Variants in RIMBP2 observed in about 807,000 individuals in gnomAD.
RIMBP2 encodes RIMS binding protein 2, also known as RIMS-binding protein 2.
Under a neutral mutation model 118.6 loss-of-function variants are expected in RIMBP2, and 48 were observed. The observed-to-expected ratio is 0.40, with a 90% CI of 0.32 to 0.51. RIMBP2 has a LOEUF of 0.51. Among genes scored for constraint, RIMBP2 ranks in the 20% least tolerant of loss-of-function variants. RIMBP2 has a pLI of 0.41. For missense variants in RIMBP2, 1,551 were observed against 1,768.3 expected (o/e 0.88, Z 2.20); for synonymous variants, 762 against 742.9 (o/e 1.03, Z -0.42).
intron 1 of RIMBP2, among the ~76,000 whole-genome samples, chr12:130,690,597 G>A (rs1226198203): frequency 2.6e-5 from 4 of 152,194 alleles, no homozygotes; most frequent in African/African-American, 9.7e-5. Flanking sequence ...AGTGGGAGAG[G>A]GATTTTCTGT....
chr12:130,538,021 G>T (rs1305527501), intron 2 of RIMBP2, among the ~76,000 whole-genome samples: 1 of 152,064 alleles, frequency 6.6e-6, no homozygotes, highest in African/African-American at 2.4e-5. Flanking sequence ...TCCAAAAACT[G>T]ACAAAAGCAA....
chr12:130,502,466 C>A (rs1372606211), intron 4 of RIMBP2, among the ~76,000 whole-genome samples: 1 of 152,066 alleles, frequency 6.6e-6, no homozygotes, highest in Non-Finnish European at 1.5e-5. Flanking sequence ...ACTTTCTTCT[C>A]CTTGGACATG....
rs138922127 is a variant in RIMBP2 at position 130,505,440 on chromosome 12, C to T, written c.-4+1208G>A. ...CATCACTCCAAAAAGAACCTCATAC[C>T]CCTTAGTGGTCACTCCTCATCCCCA... On this transcript the variant is annotated intron_variant, in intron 4 of 22. Transcript: ENST00000690449. Among the ~76,000 whole-genome samples, 796 of 150,848 alleles carry T rather than the reference C, an allele frequency of 5.3e-3. 10 individuals carry two copies. Among genetic ancestry groups the T allele is most frequent in the African/African-American group, 0.018 (737 of 40,868 alleles).
chr12:130,713,726 C>G (rs538746998), intron 1 of RIMBP2, among the ~76,000 whole-genome samples: 2 of 152,224 alleles, frequency 1.3e-5, no homozygotes, highest in Non-Finnish European at 2.9e-5. Flanking sequence ...TGCTCATTGC[C>G]GTGCCCTAGG....
rs368083783 is a variant in RIMBP2, at chr12:130,552,802, G to A, written c.-216-34885C>T. Among the ~76,000 whole-genome samples, 18 of 152,276 alleles carry A rather than the reference G, an allele frequency of 1.2e-4. No homozygotes were observed. The East Asian group carries it at 2.3e-3, about 20-fold the overall frequency. ...CAGAGCCTTGTGCACTGTCCAAGGTGCTGATTAAGAGATACCCAGGGTCAT... is the reference window on the plus strand; with the variant it reads ...CAGAGCCTTGTGCACTGTCCAAGGTACTGATTAAGAGATACCCAGGGTCAT... On this transcript the variant is annotated intron_variant, in intron 2 of 22. Transcript: ENST00000690449.
In RIMBP2 at chr12:130,431,299, G is replaced by T; in HGVS notation, c.2254-2962C>A. On this transcript the variant is annotated intron_variant, in intron 14 of 22. Transcript: ENST00000690449. This position sits in a 1 kb window ranked among gnomAD's most constrained non-coding sequence, Gnocchi z 4.0. ...TTGGAGCAGATGGGATAGCGCCAGG[G>T]GGTAAGGGCTCATGTGACGGGGCGG... 1 of 220,038 alleles carries T rather than the reference G, an allele frequency of 4.5e-6. No homozygotes were observed. Among genetic ancestry groups the T allele is most frequent in the Non-Finnish European group, 1.0e-5 (1 of 99,000 alleles). The allele number at this position is 220,038 out of a possible 1,614,324, so 13.6% of individuals were successfully genotyped here.
chr12:130,558,714 G>A (rs1040119650), intron 2 of RIMBP2, among the ~76,000 whole-genome samples: 6 of 152,196 alleles, frequency 3.9e-5, no homozygotes, highest in African/African-American at 9.7e-5. Flanking sequence ...TCCCAGCAGC[G>A]CATCCAAGAC....
At chr12:130,413,904 G>T (rs1162146794) in intron 18 of RIMBP2, among the ~76,000 whole-genome samples, 1 of 152,186 alleles carries the variant, frequency 6.6e-6, no homozygotes, top group East Asian at 1.9e-4. Context: ...ACATATTTGG[G>T]TGTGTTTGTG....
At chr12:130,478,355 C>T (rs2081624231) in intron 5 of RIMBP2, among the ~76,000 whole-genome samples, 1 of 152,204 alleles carries the variant, frequency 6.6e-6, no homozygotes, top group African/African-American at 2.4e-5. Context: ...AGAATCAAAC[C>T]ACCATGATCC....
At chr12:130,494,727 T>C (rs1403317063) in intron 4 of RIMBP2, among the ~76,000 whole-genome samples, 1 of 151,976 alleles carries the variant, frequency 6.6e-6, no homozygotes, top group Admixed American at 6.5e-5. Flanking sequence ...ACTCCAGCCC[T>C]GTGTGCTGGT....
In RIMBP2 at chr12:130,581,518, G is replaced by A. The variant is rs116294125; in HGVS notation, c.-217+46804C>T. On this transcript the variant is annotated intron_variant, in intron 2 of 22. Transcript: ENST00000690449. The surrounding 1 kb of genome is among the most constrained non-coding windows in gnomAD (Gnocchi z 4.4). ...ATAAGAGCATCCAGAATGAAGCCGA[G>A]CTCCTGGCCTTCCTGCCAGTCTCCC... Among the ~76,000 whole-genome samples, 3,255 of 152,298 alleles carry A rather than the reference G, an allele frequency of 0.021. 142 individuals are homozygous for A. Among genetic ancestry groups the A allele is most frequent in the African/African-American group, 0.074 (3,076 of 41,554 alleles).
chr12:130,463,699 G>A (rs967111801), intron 6 of RIMBP2, among the ~76,000 whole-genome samples: 1 of 152,026 alleles, frequency 6.6e-6, no homozygotes, highest in African/African-American at 2.4e-5. Context: ...AGTGTCAGAG[G>A]CGTTCAAACC....
chr12:130,638,938 G>C (rs936040996), intron 1 of RIMBP2, among the ~76,000 whole-genome samples: 2 of 152,104 alleles, frequency 1.3e-5, no homozygotes, highest in Non-Finnish European at 2.9e-5. Flanking sequence ...GTAAACTATG[G>C]ACTCTAGTTA....
chr12:130,500,801 G>C (rs534138759), intron 4 of RIMBP2, among the ~76,000 whole-genome samples: 1 of 152,260 alleles, frequency 6.6e-6, no homozygotes, highest in South Asian at 2.1e-4. Flanking sequence ...CGCGTCAGGT[G>C]CTAGATGAGA....
At chr12:130,636,750 C>T (rs375409830) in intron 1 of RIMBP2, among the ~76,000 whole-genome samples, 3 of 152,268 alleles carry the variant, frequency 2.0e-5, no homozygotes, top group African/African-American at 7.2e-5. Flanking sequence ...CAGAGAACAG[C>T]GCTGAGCTAT....
At chr12:130,491,330 G>C (rs2048619896) in intron 4 of RIMBP2, among the ~76,000 whole-genome samples, 1 of 152,130 alleles carries the variant, frequency 6.6e-6, no homozygotes, top group South Asian at 2.1e-4. Flanking sequence ...TTTGCACCTA[G>C]CGAGCCCAGC....
In RIMBP2 at chr12:130,450,621, G is replaced by A. The variant is rs1467188419; in HGVS notation, c.505-345C>T. Among the ~76,000 whole-genome samples the A allele has an allele frequency of 6.8e-6, 1 of 148,058 alleles. No homozygotes were observed. Among genetic ancestry groups the A allele is most frequent in the African/African-American group, 2.5e-5 (1 of 39,728 alleles). On this transcript the variant is annotated intron_variant, in intron 8 of 22. Coordinates refer to ENST00000690449, the MANE Select transcript of RIMBP2 (RefSeq NM_001393629.1). This position sits in a 1 kb window ranked among gnomAD's most constrained non-coding sequence, Gnocchi z 4.8. ...CTCATAGGGGTGGGGGTAAAATTAAGCAGTATGTGCACGACCCCCCAGTGA... is the reference window on the plus strand; with the variant it reads ...CTCATAGGGGTGGGGGTAAAATTAAACAGTATGTGCACGACCCCCCAGTGA...
intron 4 of RIMBP2, among the ~76,000 whole-genome samples, chr12:130,502,205 T>C (rs1417493326): frequency 2.0e-5 from 3 of 152,152 alleles, no homozygotes; most frequent in Non-Finnish European, 2.9e-5. Context: ...GGAGGAGCTG[T>C]TCAGTCCAGT....
At chr12:130,472,813 C>T (rs530408950) in intron 5 of RIMBP2, among the ~76,000 whole-genome samples, 1 of 152,266 alleles carries the variant, frequency 6.6e-6, no homozygotes, top group Admixed American at 6.5e-5. Context: ...TCCATTCTCA[C>T]ATATTTCCAA....
Sources: gnomAD v4.1 joint callset for allele counts (sites outside exome capture counted in the v4.1 genomes callset) on GRCh38, gnomAD v4.1.1 for gene constraint, Gnocchi (gnomAD v3.1) non-coding constraint, MANE v1.5 for transcripts, NCBI Gene and HGNC (gene_info 2026-07-23, HGNC 2026-07-21) for gene names.